Variants in NSMCE2 observed in about 807,000 individuals in gnomAD.
The protein encoded by NSMCE2 is NSE2 SUMO ligase component of SMC5/6 complex.
A neutral mutation model predicts 23.8 loss-of-function variants in NSMCE2; 24 were observed. The ratio of observed to expected loss-of-function variants is 1.01; its 90% CI spans 0.73 to 1.42. The LOEUF (loss-of-function observed/expected upper bound fraction) is 1.42. Ranked by LOEUF, NSMCE2 falls within the 40% of genes most tolerant of loss-of-function variation. The pLI, the probability that NSMCE2 is intolerant of heterozygous loss-of-function variation, is 0.00. For missense variants in NSMCE2, 284 were observed against 296.5 expected (o/e 0.96, Z 0.31); for synonymous variants, 92 against 94.1 (o/e 0.98, Z 0.13).
chr8:125,322,485 A>G (rs1829496385), intron 5 of NSMCE2, among the ~76,000 whole-genome samples: 2 of 152,230 alleles, frequency 1.3e-5, no homozygotes, highest in African/African-American at 4.8e-5. Flanking sequence ...AAATCTACTA[A>G]TGAGCATCTA....
At chr8:125,190,610 C>A (rs1005491714) in intron 5 of NSMCE2, among the ~76,000 whole-genome samples, 4 of 152,126 alleles carry the variant, frequency 2.6e-5, no homozygotes, top group African/African-American at 9.7e-5. Context: ...ATTAAGCTGT[C>A]CAGGAGTTAT....
chr8:125,233,257 GA>G (rs1193664439), intron 5 of NSMCE2, among the ~76,000 whole-genome samples: 1 of 152,206 alleles, frequency 6.6e-6, no homozygotes, highest in Non-Finnish European at 1.5e-5. Context: ...ATGTAATTTA[GA>G]AGTCAAAATC....
chr8:125,152,109 T>C (rs1224847834), intron 4 of NSMCE2, among the ~76,000 whole-genome samples: 2 of 152,224 alleles, frequency 1.3e-5, no homozygotes, highest in African/African-American at 4.8e-5. Flanking sequence ...AAATGAGCAT[T>C]ATATAGTTAG....
intron 3 of NSMCE2, among the ~76,000 whole-genome samples, chr8:125,113,708 C>T (rs1284212280): frequency 1.3e-5 from 2 of 152,134 alleles, no homozygotes; most frequent in African/African-American, 4.8e-5. Flanking sequence ...ATTCATTTCC[C>T]CCGTCATCCT....
intron 4 of NSMCE2, among the ~76,000 whole-genome samples, chr8:125,180,912 G>A (rs554113343): frequency 6.6e-6 from 1 of 152,302 alleles, no homozygotes; most frequent in South Asian, 2.1e-4. Context: ...TGGTAATACC[G>A]TGATAAATCA....
chr8:125,115,802 G>C (rs1371088171), intron 3 of NSMCE2, among the ~76,000 whole-genome samples: 1 of 152,192 alleles, frequency 6.6e-6, no homozygotes, highest in East Asian at 1.9e-4. Context: ...CCTGGGAGAT[G>C]CTTGCTGATG....
chr8:125,191,748 A>G (rs2130829153), intron 5 of NSMCE2, among the ~76,000 whole-genome samples: 1 of 152,314 alleles, frequency 6.6e-6, no homozygotes, highest in East Asian at 1.9e-4. Flanking sequence ...AATTCCATGA[A>G]ATTTATTTCA....
intron 4 of NSMCE2, among the ~76,000 whole-genome samples, chr8:125,179,420 A>AT (rs1260239435): frequency 3.9e-5 from 6 of 152,080 alleles, no homozygotes; most frequent in Non-Finnish European, 5.9e-5. Context: ...TAGCCACTCA[A>AT]TTTTTTTTCC....
intron 5 of NSMCE2, among the ~76,000 whole-genome samples, chr8:125,279,277 G>GT (rs1827602897): frequency 6.6e-6 from 1 of 152,086 alleles, no homozygotes; most frequent in South Asian, 2.1e-4. Flanking sequence ...CAAGGGTTGG[G>GT]TTTTTTCTTA....
In NSMCE2 at chr8:125,366,866, G is replaced by A. The variant is rs779265301; in HGVS notation, c.725G>A (p.Arg242Lys). The change falls in exon 8 of 8, where the codon AGA becomes AAA. Residue 242 changes from arginine (R) to lysine (K), a missense_variant. By Grantham distance (26) the Arg-to-Lys change is conservative (BLOSUM62 2). Around this residue, in one of 2 missense-constraint regions of NSMCE2, gnomAD observed 102 missense variants for 141.0 expected, o/e 0.72. Coordinates refer to ENST00000287437, the MANE Select transcript of NSMCE2 (RefSeq NM_173685.4). ...RRAIENHNKK[R>K]HRHSE Reference sequence around the variant, plus strand: ...GCAATTGAGAACCATAACAAGAAAAGACATCGTCATTCCGAGTAGGAAAAG... The same window carrying A: ...GCAATTGAGAACCATAACAAGAAAAAACATCGTCATTCCGAGTAGGAAAAG... 8 of 1,607,038 alleles carry A rather than the reference G, an allele frequency of 5.0e-6. No homozygotes were observed. The highest frequency in any genetic ancestry group is 6.8e-6 in the Non-Finnish European group (8 of 1,173,580).
At chr8:125,236,413 A>G (rs1343614276) in intron 5 of NSMCE2, among the ~76,000 whole-genome samples, 10 of 152,192 alleles carry the variant, frequency 6.6e-5, no homozygotes, top group South Asian at 2.1e-4. Flanking sequence ...TTTCATGTAA[A>G]TGAGTATGTG....
At chr8:125,256,922 C>CAA (rs60308659) in intron 5 of NSMCE2, among the ~76,000 whole-genome samples, 372 of 26,070 alleles carry the variant, frequency 0.014, 111 homozygotes, top group Non-Finnish European at 0.022. Flanking sequence ...GACTCTGTGT[C>CAA]AAAAAAAAAA....
intron 5 of NSMCE2, among the ~76,000 whole-genome samples, chr8:125,349,113 T>A (rs900078924): frequency 1.3e-5 from 2 of 151,780 alleles, no homozygotes; most frequent in African/African-American, 4.8e-5. Context: ...ATATCTCTTT[T>A]TCCACTTAAA....
intron 1 of NSMCE2, among the ~76,000 whole-genome samples, chr8:125,097,455 C>T (rs113909087): frequency 6.6e-6 from 1 of 152,206 alleles, no homozygotes; most frequent in African/African-American, 2.4e-5. Flanking sequence ...GAACTCATCT[C>T]ATCGTTTACT....
chr8:125,157,615 A>G (rs917160351), intron 4 of NSMCE2, among the ~76,000 whole-genome samples: 10 of 152,240 alleles, frequency 6.6e-5, no homozygotes, highest in African/African-American at 2.4e-4. Flanking sequence ...AGTTCTGAAT[A>G]TAGTATCCCA....
At chr8:125,362,457 C>T (rs184848166) in intron 7 of NSMCE2, among the ~76,000 whole-genome samples, 1 of 152,310 alleles carries the variant, frequency 6.6e-6, no homozygotes, top group Admixed American at 6.5e-5. Flanking sequence ...CAGCTGGCTC[C>T]TCTCCACGAG....
At chr8:125,114,225 A>G (rs1055650005) in intron 3 of NSMCE2, among the ~76,000 whole-genome samples, 7 of 152,062 alleles carry the variant, frequency 4.6e-5, no homozygotes, top group Non-Finnish European at 8.8e-5. Context: ...CTCACTTTCT[A>G]ACATACTGTA....
intron 4 of NSMCE2, among the ~76,000 whole-genome samples, chr8:125,170,376 CTTTTTTTTTTTTTTT>C (rs565593006): frequency 4.8e-3 from 181 of 37,856 alleles, no homozygotes; most frequent in African/African-American, 0.012. Flanking sequence ...CTCTTTATTT[CTTTTTTTTTTTTTTT>C]TTTTTTTTTT....
chr8:125,174,501 A>G (rs979705855), intron 4 of NSMCE2, among the ~76,000 whole-genome samples: 3 of 152,180 alleles, frequency 2.0e-5, no homozygotes, highest in Non-Finnish European at 4.4e-5. Context: ...GCATGGTGCC[A>G]TGGGAAATTT....
Sources: allele counts gnomAD v4.1 joint callset (sites outside exome capture counted in the v4.1 genomes callset), GRCh38; gene constraint gnomAD v4.1.1; regional missense constraint gnomAD v4.1.1; transcripts MANE v1.5; gene names NCBI Gene and HGNC (gene_info 2026-07-23, HGNC 2026-07-21).